The following KHDRBS2 variants were observed in gnomAD, a reference collection of about 807,000 sequenced individuals.
KHDRBS2 encodes KH domain-containing, RNA-binding, signal transduction-associated protein 2.
KHDRBS2 carries 26 observed loss-of-function variants against 44.3 expected under a neutral mutation model. The observed-to-expected ratio is 0.59, with a 90% CI of 0.43 to 0.81. The LOEUF is 0.81. Ranked by LOEUF, KHDRBS2 falls within the 40% of genes least tolerant of loss-of-function variation. KHDRBS2 has a pLI of 0.00. For missense variants in KHDRBS2, 476 were observed against 433.1 expected, an observed-to-expected ratio of 1.10 and a Z score of -0.88; for synonymous variants, 194 against 151.1, an observed-to-expected ratio of 1.28 and a Z score of -2.08.
intron 2 of KHDRBS2, among the ~76,000 whole-genome samples, chr6:62,116,767 C>T (rs1323313638): frequency 1.3e-5 from 2 of 151,996 alleles, no homozygotes; most frequent in Non-Finnish European, 2.9e-5. Context: ...TTTCTGCGCC[C>T]TCCCACCCCT....
intron 4 of KHDRBS2, among the ~76,000 whole-genome samples, chr6:61,929,565 G>T (rs1183478307): frequency 6.6e-6 from 1 of 152,076 alleles, no homozygotes; most frequent in African/African-American, 2.4e-5. Flanking sequence ...GAAATAGGAG[G>T]AAAATCCAGA....
rs537534406 is a variant in KHDRBS2 at position 61,774,369 on chromosome 6, G to A, written c.811-41605C>T. On this transcript the variant is annotated intron_variant, in intron 6 of 8. Transcript: ENST00000281156. ...AGGTCCAATCATGTCCCTGTTTGCC[G>A]ATGACATGATTGTATATCTAGAAAA... 7.7e-4 allele frequency among the ~76,000 whole-genome samples: 116 copies of A among 150,908 alleles called. 4 individuals carry two copies. The South Asian group carries it at 0.022, about 28-fold the overall frequency.
chr6:61,883,374 T>C (rs576524898), intron 6 of KHDRBS2, among the ~76,000 whole-genome samples: 1 of 152,050 alleles, frequency 6.6e-6, no homozygotes, highest in South Asian at 2.1e-4. Flanking sequence ...ATATAATACT[T>C]TACAGCAGCT....
In KHDRBS2 at chr6:61,902,420, A is replaced by G. The variant is rs116981566; in HGVS notation, c.484-1049T>C. 7.2e-4 allele frequency among the ~76,000 whole-genome samples: 110 copies of G among 152,224 alleles called. 3 individuals are homozygous for G. The East Asian group carries it at 0.017, about 24-fold the overall frequency. ...GAAATACACCAGCCAATTCAAGAGGACCCAAGAGTGGAGCTGAATCATTAC... is the reference window on the plus strand; with the variant it reads ...GAAATACACCAGCCAATTCAAGAGGGCCCAAGAGTGGAGCTGAATCATTAC... On this transcript the variant is annotated intron_variant, in intron 4 of 8. Coordinates refer to ENST00000281156, the MANE Select transcript of KHDRBS2 (RefSeq NM_152688.4).
chr6:61,967,060 A>C (rs1770132418), intron 4 of KHDRBS2, among the ~76,000 whole-genome samples: 2 of 151,898 alleles, frequency 1.3e-5, no homozygotes, highest in South Asian at 4.1e-4. Flanking sequence ...ATTTAAAAAA[A>C]TAGAATTATG....
At chr6:61,957,497 A>G (rs1206216200) in intron 4 of KHDRBS2, among the ~76,000 whole-genome samples, 1 of 145,316 alleles carries the variant, frequency 6.9e-6, no homozygotes, top group Non-Finnish European at 1.5e-5. Context: ...GGTCTCTAAA[A>G]TGGCTGCTTT....
intron 1 of KHDRBS2, among the ~76,000 whole-genome samples, chr6:62,282,285 A>G (rs1203371608): frequency 6.6e-6 from 1 of 152,232 alleles, no homozygotes; most frequent in Non-Finnish European, 1.5e-5. Flanking sequence ...GGCCAAGTCT[A>G]GATGGCAGGT....
At chr6:61,865,083 TTGTGAAGTTCTTGTAGTG>T (rs1416726697) in intron 6 of KHDRBS2, among the ~76,000 whole-genome samples, 1 of 152,196 alleles carries the variant, frequency 6.6e-6, no homozygotes, top group Non-Finnish European at 1.5e-5. Context: ...TGTGACTGCA[TTGTGAAGTTCTTGTAGTG>T]TGTTTTTCGG....
chr6:61,939,726 A>G (rs773991362), intron 4 of KHDRBS2, among the ~76,000 whole-genome samples: 2 of 152,236 alleles, frequency 1.3e-5, no homozygotes, highest in Non-Finnish European at 2.9e-5. Context: ...AAGAATCAGC[A>G]TGATAGAATT....
intron 3 of KHDRBS2, among the ~76,000 whole-genome samples, chr6:62,008,606 T>C (rs1779705257): frequency 6.6e-6 from 1 of 152,174 alleles, no homozygotes; most frequent in Non-Finnish European, 1.5e-5. Flanking sequence ...TTTGGCTCTG[T>C]GTCCCCATGC....
the KHDRBS2 span, among the ~76,000 whole-genome samples, chr6:61,598,230 C>T: frequency 0.8 from 120,536 of 151,050 alleles, 49,128 homozygotes; most frequent in African/African-American, 0.9. Flanking sequence ...AAAGTTGCTA[C>T]CATACTCTAG....
chr6:62,016,206 T>C (rs1781175577), intron 3 of KHDRBS2, among the ~76,000 whole-genome samples: 1 of 152,066 alleles, frequency 6.6e-6, no homozygotes, highest in African/African-American at 2.4e-5. Flanking sequence ...AGGATATATT[T>C]AATAGTAGAA....
At chr6:61,553,564 C>T in the KHDRBS2 span, among the ~76,000 whole-genome samples, 2 of 151,948 alleles carry the variant, frequency 1.3e-5, no homozygotes, top group African/African-American at 2.4e-5. Context: ...TTGGTTTGCT[C>T]TTGTTTCTCT....
At chr6:62,133,689 C>T (rs1810861131) in intron 2 of KHDRBS2, among the ~76,000 whole-genome samples, 1 of 152,144 alleles carries the variant, frequency 6.6e-6, no homozygotes, top group African/African-American at 2.4e-5. Flanking sequence ...TTCCTAGAGA[C>T]TTGTTAAATG....
chr6:61,624,059 G>T, the KHDRBS2 span, among the ~76,000 whole-genome samples: 1 of 152,178 alleles, frequency 6.6e-6, no homozygotes, highest in Non-Finnish European at 1.5e-5. Context: ...TAAAGACAAG[G>T]AGGTCTGGGG....
chr6:61,556,919 A>G, the KHDRBS2 span, among the ~76,000 whole-genome samples: 6 of 124,630 alleles, frequency 4.8e-5, no homozygotes, highest in African/African-American at 9.2e-5. Flanking sequence ...CTGAGAGTGC[A>G]TAGTGGTGAA....
At chr6:61,732,479 A>C (rs1191929445) in intron 7 of KHDRBS2, among the ~76,000 whole-genome samples, 1 of 152,200 alleles carries the variant, frequency 6.6e-6, no homozygotes, top group Non-Finnish European at 1.5e-5. Flanking sequence ...TTAGAATGAC[A>C]CACTACTATT....
At position 61,901,233 on chromosome 6, in the gene KHDRBS2, A is replaced by G. The variant is rs1803953206; in HGVS notation, c.611+11T>C. On this transcript the variant is annotated intron_variant, in intron 5 of 8. Coordinates refer to ENST00000281156, the MANE Select transcript of KHDRBS2 (RefSeq NM_152688.4). ...TCATCCTTAATTTATTTAAAGTAAG[A>G]ATGAATGTACCTTGAAGGAGCTGTG... 1.2e-6 allele frequency: 2 copies of G among 1,605,218 alleles called. No homozygotes were observed. Among genetic ancestry groups the G allele is most frequent in the South Asian group, 2.2e-5 (2 of 89,062 alleles).
chr6:61,602,056 C>T, the KHDRBS2 span, among the ~76,000 whole-genome samples: 58 of 152,234 alleles, frequency 3.8e-4, no homozygotes, highest in African/African-American at 1.4e-3. Context: ...TGCTTTACAG[C>T]CCTAGACCCT....
Sources: gnomAD v4.1 joint callset for allele counts (sites outside exome capture counted in the v4.1 genomes callset) on GRCh38, gnomAD v4.1.1 for gene constraint, MANE v1.5 for transcripts, NCBI Gene and HGNC (gene_info 2026-07-23, HGNC 2026-07-21) for gene names.